The following PLEKHG2 variants were observed in gnomAD, a reference collection of about 807,000 sequenced individuals.
PLEKHG2 encodes pleckstrin homology and RhoGEF domain containing G2, also known as pleckstrin homology domain-containing family G member 2.
A neutral mutation model predicts 104.4 loss-of-function variants in PLEKHG2; 71 were observed. That is an observed-to-expected ratio of 0.68 (90% CI 0.56 to 0.83). PLEKHG2 has a LOEUF of 0.83. Ranked by LOEUF, PLEKHG2 falls within the 40% of genes least tolerant of loss-of-function variation. The pLI is 0.00. For synonymous variants in PLEKHG2, 728 were observed against 737.0 expected (o/e 0.99, Z 0.20); for missense variants, 1,730 against 1,809.4 (o/e 0.96, Z 0.80).
At position 39,424,339 on chromosome 19, in the gene PLEKHG2, C is replaced by T. The variant is rs755019645; in HGVS notation, c.3206C>T (p.Pro1069Leu). Reference protein sequence around the residue: ...GGSRDVQGPDPVCSQPIQPLS... With the variant: ...GGSRDVQGPDLVCSQPIQPLS... ...TCCAGGGATGTTCAGGGCCCAGACC[C>T]TGTCTGCAGTCAACCCATCCAGCCT... The change falls in exon 19 of 19, where the codon CCT becomes CTT. Residue 1069 changes from proline (P) to leucine (L), a missense_variant. Pro to Leu is a moderately conservative substitution (Grantham distance 98). Coordinates refer to ENST00000425673, the MANE Select transcript of PLEKHG2 (RefSeq NM_022835.3). 6.2e-7 allele frequency: 1 copy of T among 1,614,176 alleles called. No homozygotes were observed.
chr19:39,424,637 C>T lies in PLEKHG2; in HGVS notation c.3504C>T (p.Ser1168=), dbSNP rs1192511374. 6.2e-7 allele frequency: 1 copy of T among 1,614,056 alleles called. No individual in the cohort carries two copies. Among genetic ancestry groups the T allele is most frequent in the Non-Finnish European group, 8.5e-7 (1 of 1,180,042 alleles). Residue 1168 remains serine (S), a synonymous_variant, in exon 19 of 19, where the codon AGC becomes AGT. Transcript: ENST00000425673. ...QALPTSPKQG[S]LPDIQGPAAA... is the part of the protein sequence containing the mutation. ...TCCCAACTTCACCCAAGCAGGGAAG[C>T]CTCCCAGACATCCAGGGTCCAGCGG...
chr19:39,416,572 A>G lies in PLEKHG2; in HGVS notation c.568A>G (p.Thr190Ala), dbSNP rs1429934263. 1.2e-6 allele frequency: 2 copies of G among 1,613,752 alleles called. No homozygotes were observed. The highest frequency in any genetic ancestry group is 1.7e-6 in the Non-Finnish European group (2 of 1,179,978). ...VQRSEDFDIYTLYCMNYPSSL... is the reference protein window; with the variant it reads ...VQRSEDFDIYALYCMNYPSSL... ...GCAGAGCGAGGATTTTGACATCTAC[A>G]CATTGTACTGCATGAACTACCCGAG... Residue 190 changes from threonine to alanine, a missense_variant, in exon 6 of 19, where the codon ACA becomes GCA. Thr to Ala is a moderately conservative substitution (Grantham distance 58, BLOSUM62 0). Transcript: ENST00000425673. The surrounding 1 kb of genome is among the most constrained non-coding windows in gnomAD (Gnocchi z 4.5).
At chr19:39,421,798 T>C in intron 16 of PLEKHG2, 1 of 237,060 alleles carries the variant, frequency 4.2e-6, no homozygotes, top group Non-Finnish European at 8.1e-6. Flanking sequence ...AGGTGGATCA[T>C]CTGAGATCAG....
Position 39,424,543 on chromosome 19 carries a change from A to T in PLEKHG2, c.3410A>T (p.Asp1137Val), listed in dbSNP as rs1347605678. Residue 1137 changes from aspartate to valine, a missense_variant, in exon 19 of 19, where the codon GAC becomes GTC. Asp to Val is a radical substitution (Grantham distance 152). Transcript: ENST00000425673. ...CTGTCTTTGTCCCAGGAGCTCCCAG[A>T]CACTCAGGTTCCAGCTACCACACCT... ...APLSLSQELPDTQVPATTPLP... is the reference protein window; with the variant it reads ...APLSLSQELPVTQVPATTPLP... 1 of 1,613,954 alleles carries T rather than the reference A, an allele frequency of 6.2e-7. No homozygotes were observed. The highest frequency in any genetic ancestry group is 2.2e-5 in the East Asian group (1 of 44,892).
At chr19:39,419,028 G>C (rs1475887052) in intron 11 of PLEKHG2, 25 bp downstream of exon 11, 2 of 1,590,832 alleles carry the variant, frequency 1.3e-6, no homozygotes, top group South Asian at 1.1e-5. Context: ...GCAGCCGGGG[G>C]CCCTCTGAGT....
intron 11 of PLEKHG2, among the ~76,000 whole-genome samples, chr19:39,419,409 C>A (rs534905602): frequency 6.6e-6 from 1 of 152,194 alleles, no homozygotes; most frequent in African/African-American, 2.4e-5. Flanking sequence ...CCAGCTTGGG[C>A]AACATAGTGA....
At position 39,420,957 on chromosome 19, in the gene PLEKHG2, C is replaced by G. The variant is rs1326928297; in HGVS notation, c.1408C>G (p.Pro470Ala). 5 of 1,614,100 alleles carry G rather than the reference C, an allele frequency of 3.1e-6. No homozygotes were observed. Among genetic ancestry groups the G allele is most frequent in the Non-Finnish European group, 4.2e-6 (5 of 1,180,020 alleles). Reference protein sequence around the residue: ...TPGRRNTAPSPGPSVIRRGRR... With the variant: ...TPGRRNTAPSAGPSVIRRGRR... The stretch of plus-strand genomic sequence containing the variant: ...GGCCCTCCCTCCCACAGCTCCATCT[C>G]CTGGGCCCTCTGTGATTCGCCGAGG... The change falls in exon 14 of 19, where the codon CCT (proline) becomes GCT (alanine). Residue 470 changes from proline (P) to alanine (A), a missense_variant. Transcript: ENST00000425673.
rs2146030333 is a variant in PLEKHG2 at position 39,426,849 on chromosome 19, T to A, written c.*1555T>A. The A allele has an allele frequency of 6.6e-6, 1 of 151,466 alleles. No homozygotes were observed. Among genetic ancestry groups the A allele is most frequent in the East Asian group, 1.9e-4 (1 of 5,156 alleles). 9.4% of individuals were successfully genotyped at this position (151,466 alleles called of 1,614,324 possible). A position where few individuals can be genotyped will look rare whatever the true frequency, so the allele number is the denominator to read the frequency against. On this transcript the variant is annotated 3_prime_UTR_variant, in exon 19 of 19. Coordinates refer to ENST00000425673, the MANE Select transcript of PLEKHG2 (RefSeq NM_022835.3). Reference sequence around the variant, plus strand: ...AAGGAGGAGCTTGGGAATCTGATTTTTTTTTTTTTTTTTAGATAAAGTCTC... The same window carrying A: ...AAGGAGGAGCTTGGGAATCTGATTTATTTTTTTTTTTTTAGATAAAGTCTC...
At chr19:39,414,897 C>A in intron 2 of PLEKHG2, 95 bp from the exon 3 acceptor site, 1 of 1,376,230 alleles carries the variant, frequency 7.3e-7, no homozygotes, top group South Asian at 1.5e-5. Context: ...AGCTGTTGGA[C>A]AGGTGTGGGT....
Position 39,423,259 on chromosome 19 carries a change from T to A in PLEKHG2, c.2205T>A (p.Asp735Glu). 6.2e-7 allele frequency: 1 copy of A among 1,613,940 alleles called. No individual in the cohort carries two copies. Among genetic ancestry groups the A allele is most frequent in the Non-Finnish European group, 8.5e-7 (1 of 1,179,858 alleles). ...PSGGKAGPEE[D>E]EEGVSFTDFQ... ...GAGGCAAGGCAGGGCCAGAGGAGGA[T>A]GAAGAAGGGGTATCATTCACAGACT... The change falls in exon 18 of 19, where the codon GAT becomes GAA. Residue 735 changes from aspartate (D) to glutamate (E), a missense_variant. Coordinates refer to ENST00000425673, the MANE Select transcript of PLEKHG2 (RefSeq NM_022835.3).
chr19:39,417,899 C>G lies in PLEKHG2; in HGVS notation c.883-6C>G. On this transcript the variant is annotated splice_region_variant and splice_polypyrimidine_tract_variant and intron_variant, in intron 8 of 18. Coordinates refer to ENST00000425673, the MANE Select transcript of PLEKHG2 (RefSeq NM_022835.3). ...CGCCCCGGCGCACCTGGCGGGGTCCCGGCAGGAAGTGCAGCGGCGGCTGGG... is the reference window on the plus strand; with the variant it reads ...CGCCCCGGCGCACCTGGCGGGGTCCGGGCAGGAAGTGCAGCGGCGGCTGGG... 6.5e-7 allele frequency: 1 copy of G among 1,537,454 alleles called. No individual in the cohort carries two copies. The highest frequency in any genetic ancestry group is 8.7e-7 in the Non-Finnish European group (1 of 1,144,200).
chr19:39,426,131 C>T lies in PLEKHG2; in HGVS notation c.*837C>T, dbSNP rs1036012982. Reference sequence around the variant, plus strand: ...ATCCATCGACATACCCCATCCCTCCCTCACTGGACTCTCCGGGGTCTTAGT... The same window carrying T: ...ATCCATCGACATACCCCATCCCTCCTTCACTGGACTCTCCGGGGTCTTAGT... On this transcript the variant is annotated 3_prime_UTR_variant, in exon 19 of 19. Coordinates refer to ENST00000425673, the MANE Select transcript of PLEKHG2 (RefSeq NM_022835.3). 2.0e-5 allele frequency: 3 copies of T among 152,346 alleles called. No individual in the cohort carries two copies. Among genetic ancestry groups the T allele is most frequent in the Admixed American group, 2.0e-4 (3 of 15,268 alleles). 9.4% of individuals were successfully genotyped at this position (152,346 alleles called of 1,614,324 possible).
intron 2 of PLEKHG2, 64 bp downstream of exon 2, chr19:39,414,259 G>A: frequency 6.7e-7 from 1 of 1,486,360 alleles, no homozygotes; most frequent in Non-Finnish European, 9.2e-7. Context: ...TGCTGTCAAG[G>A]CAGGGTGATG....
At chr19:39,420,214 C>A (rs1000374028) in intron 11 of PLEKHG2, among the ~76,000 whole-genome samples, 1 of 151,882 alleles carries the variant, frequency 6.6e-6, no homozygotes, top group Non-Finnish European at 1.5e-5. Context: ...ACAAAAATTA[C>A]CGGGTGTGGT....
Position 39,424,160 on chromosome 19 carries a change from A to G in PLEKHG2, c.3027A>G (p.Gly1009=). 1 of 1,614,096 alleles carries G rather than the reference A, an allele frequency of 6.2e-7. No individual in the cohort carries two copies. The highest frequency in any genetic ancestry group is 8.5e-7 in the Non-Finnish European group (1 of 1,180,010). ...APSTAFCPEQ[G]HCADIHVPTT... ...CCACCGCCTTTTGTCCTGAGCAGGG[A>G]CACTGTGCGGACATCCACGTTCCCA... The change falls in exon 19 of 19, where the codon GGA becomes GGG. Residue 1009 remains glycine, a synonymous_variant. Coordinates refer to ENST00000425673, the MANE Select transcript of PLEKHG2 (RefSeq NM_022835.3).
At position 39,423,639 on chromosome 19, in the gene PLEKHG2, AGCAG is replaced by A; in HGVS notation, c.2590_2593del (p.Ala864SerfsTer20). On this transcript the variant is annotated frameshift_variant, in exon 18 of 19. Coordinates refer to ENST00000425673, the MANE Select transcript of PLEKHG2 (RefSeq NM_022835.3). LOFTEE classifies it low-confidence loss of function (END_TRUNC). ...CAGCCATCCCCCTGTCTGCCCCAGG[AGCAG>A]GCAGAGCCAGGTGAGGTCCGGGTAC... 6.5e-7 allele frequency: 1 copy of A among 1,538,698 alleles called. No individual in the cohort carries two copies. Among genetic ancestry groups the A allele is most frequent in the Non-Finnish European group, 8.7e-7 (1 of 1,143,502 alleles).
Position 39,415,506 on chromosome 19 carries a change from T to A in PLEKHG2, c.479+67T>A, listed in dbSNP as rs994320080. On this transcript the variant is annotated intron_variant, in intron 4 of 18. Coordinates refer to ENST00000425673, the MANE Select transcript of PLEKHG2 (RefSeq NM_022835.3). This position sits in a 1 kb window ranked among gnomAD's most constrained non-coding sequence, Gnocchi z 4.6. ...GAGGGTCTATTTCCTAATCCAAACCTCGGAGCTTCGTAGTGTCCTGTCCAG... is the reference window on the plus strand; with the variant it reads ...GAGGGTCTATTTCCTAATCCAAACCACGGAGCTTCGTAGTGTCCTGTCCAG... The A allele has an allele frequency of 3.2e-6, 5 of 1,539,710 alleles. No individual in the cohort carries two copies. Among genetic ancestry groups the A allele is most frequent in the Admixed American group, 3.6e-5 (2 of 56,326 alleles).
Position 39,414,066 on chromosome 19 carries a change from ACTCT to A in PLEKHG2, c.-20_-17del. ...TCCAAGAAGGGGCTCTTTCTGCAGG[ACTCT>A]GCTGGGCCGCTCAGCCATGCCTGAG... On this transcript the variant is annotated splice_region_variant and 5_prime_UTR_variant, in exon 2 of 19. Transcript: ENST00000425673. 6.5e-7 allele frequency: 1 copy of A among 1,546,002 alleles called. No homozygotes were observed. The highest frequency in any genetic ancestry group is 2.0e-5 in the Admixed American group (1 of 50,832).
Position 39,416,280 on chromosome 19 carries a change from C to T in PLEKHG2, c.480-68C>T. ...CCCAGCAGACCATTGGGGCCTCAGC[C>T]TCCTGGAGGCCTCCCATGGAGGGGT... On this transcript the variant is annotated intron_variant, in intron 4 of 18. Coordinates refer to ENST00000425673, the MANE Select transcript of PLEKHG2 (RefSeq NM_022835.3). The surrounding 1 kb of genome is among the most constrained non-coding windows in gnomAD (Gnocchi z 4.5). 1.3e-6 allele frequency: 2 copies of T among 1,537,894 alleles called. No homozygotes were observed.
Sources: gnomAD v4.1 joint callset for allele counts (sites outside exome capture counted in the v4.1 genomes callset) on GRCh38, gnomAD v4.1.1 for gene constraint, Gnocchi (gnomAD v3.1) non-coding constraint, MANE v1.5 for transcripts, NCBI Gene and HGNC (gene_info 2026-07-23, HGNC 2026-07-21) for gene names.